The following ADAMTSL1 variants were observed in gnomAD, a reference collection of about 807,000 sequenced individuals.
The protein encoded by ADAMTSL1 is ADAMTS-like protein 1.
Under a neutral mutation model 201.8 loss-of-function variants are expected in ADAMTSL1, and 126 were observed. That is an observed-to-expected ratio of 0.62 (90% CI 0.54 to 0.72). The LOEUF (loss-of-function observed/expected upper bound fraction) is 0.72. Among genes scored for constraint, ADAMTSL1 ranks in the 30% least tolerant of loss-of-function variants. The probability of loss-of-function intolerance (pLI) is 0.00; values close to 1 mark genes in which losing one functional copy is unlikely to be tolerated. For missense variants in ADAMTSL1, 2,679 were observed against 2,277.8 expected, an observed-to-expected ratio of 1.18 and a Z score of -3.59; for synonymous variants, 1,121 against 903.4, an observed-to-expected ratio of 1.24 and a Z score of -4.32.
intron 1 of ADAMTSL1, among the ~76,000 whole-genome samples, chr9:17,983,210 A>G (rs760255812): frequency 6.6e-6 from 1 of 151,826 alleles, no homozygotes; most frequent in Non-Finnish European, 1.5e-5. Flanking sequence ...AGCTGGGACT[A>G]CAGGTGGGCA....
Position 18,766,400 on chromosome 9 carries a change from C to G in ADAMTSL1, c.2218-4202C>G, listed in dbSNP as rs371983348. Among the ~76,000 whole-genome samples the G allele has an allele frequency of 3.9e-5, 6 of 152,228 alleles. No homozygotes were observed. In the South Asian group the frequency reaches 6.2e-4, roughly 16 times the overall value. ...ACATTTATGCTTTGAAAACGTCACTCTTGCTATGGTGTGGAGAATAGAGTG... is the reference window on the plus strand; with the variant it reads ...ACATTTATGCTTTGAAAACGTCACTGTTGCTATGGTGTGGAGAATAGAGTG... On this transcript the variant is annotated intron_variant, in intron 16 of 28. Transcript: ENST00000380548.
intron 2 of ADAMTSL1, among the ~76,000 whole-genome samples, chr9:18,409,587 T>C (rs1291847280): frequency 6.6e-6 from 1 of 151,326 alleles, no homozygotes; most frequent in Admixed American, 6.6e-5. Flanking sequence ...TTAAAATTTT[T>C]GATTATCACT....
intron 13 of ADAMTSL1, among the ~76,000 whole-genome samples, chr9:18,694,672 T>C (rs553893843): frequency 3.3e-5 from 5 of 152,256 alleles, no homozygotes; most frequent in Admixed American, 3.3e-4. Flanking sequence ...TCCACCCCTA[T>C]GAAGTTGAGT....
In ADAMTSL1 at chr9:18,908,594, C is replaced by A; in HGVS notation, c.*46C>A. On this transcript the variant is annotated 3_prime_UTR_variant, in exon 29 of 29. Coordinates refer to ENST00000380548, the MANE Select transcript of ADAMTSL1 (RefSeq NM_001040272.6). Reference sequence around the variant, plus strand: ...CTCTACCCTGGCCACACGAAGGACTCACGCAACCACCTCGGACAGAACCTA... The same window carrying A: ...CTCTACCCTGGCCACACGAAGGACTAACGCAACCACCTCGGACAGAACCTA... 2 of 1,432,072 alleles carry A rather than the reference C, an allele frequency of 1.4e-6. No individual in the cohort carries two copies. The highest frequency in any genetic ancestry group is 1.3e-5 in the South Asian group (1 of 79,490). 88.7% of individuals were successfully genotyped at this position (1,432,072 alleles called of 1,614,324 possible).
At chr9:18,866,613 T>G (rs1414903253) in intron 23 of ADAMTSL1, among the ~76,000 whole-genome samples, 2 of 152,184 alleles carry the variant, frequency 1.3e-5, no homozygotes, top group Admixed American at 1.3e-4. Context: ...TTCCCTGAGG[T>G]CACTGTCCTG....
At chr9:18,885,731 A>G (rs1202620764) in intron 23 of ADAMTSL1, among the ~76,000 whole-genome samples, 2 of 152,094 alleles carry the variant, frequency 1.3e-5, no homozygotes, top group East Asian at 3.9e-4. Flanking sequence ...TCTCACTACT[A>G]CCTCAGGAAA....
intron 1 of ADAMTSL1, among the ~76,000 whole-genome samples, chr9:18,153,294 C>A (rs561959662): frequency 6.6e-6 from 1 of 152,020 alleles, no homozygotes; most frequent in Non-Finnish European, 1.5e-5. Flanking sequence ...TACTCTGACC[C>A]TTATTAGATA....
chr9:18,744,194 C>G (rs975453761), intron 15 of ADAMTSL1, among the ~76,000 whole-genome samples: 1 of 152,260 alleles, frequency 6.6e-6, no homozygotes, highest in South Asian at 2.1e-4. Context: ...TTTCTGAACT[C>G]TTGCAGTCCT....
intron 2 of ADAMTSL1, among the ~76,000 whole-genome samples, chr9:18,444,237 T>G (rs1030827785): frequency 6.6e-6 from 1 of 152,224 alleles, no homozygotes; most frequent in Non-Finnish European, 1.5e-5. Context: ...ATTGAGAAAC[T>G]ACTAAGGGTG....
chr9:18,186,324 T>C (rs1022625009), intron 2 of ADAMTSL1, among the ~76,000 whole-genome samples: 2 of 152,186 alleles, frequency 1.3e-5, no homozygotes, highest in African/African-American at 4.8e-5. Context: ...AGCATGTTTC[T>C]ATAACCTTCC....
upstream of ADAMTSL1, among the ~76,000 whole-genome samples, chr9:18,472,457 T>C (rs1344490040): frequency 6.6e-6 from 1 of 152,222 alleles, no homozygotes; most frequent in African/African-American, 2.4e-5. Context: ...TAGGTCCACA[T>C]ACTTAATATT....
chr9:18,749,846 G>A (rs1184793641), intron 15 of ADAMTSL1, among the ~76,000 whole-genome samples: 2 of 152,232 alleles, frequency 1.3e-5, no homozygotes, highest in Non-Finnish European at 2.9e-5. Flanking sequence ...ACTTTTATCA[G>A]GGCAGGCAGA....
At chr9:18,174,613 T>A (rs1380302221) in intron 2 of ADAMTSL1, among the ~76,000 whole-genome samples, 1 of 152,196 alleles carries the variant, frequency 6.6e-6, no homozygotes, top group African/African-American at 2.4e-5. Flanking sequence ...CACATGACTT[T>A]TTTTTTAGTT....
chr9:18,173,217 A>G (rs1324720325), intron 2 of ADAMTSL1, among the ~76,000 whole-genome samples: 1 of 152,204 alleles, frequency 6.6e-6, no homozygotes, highest in Non-Finnish European at 1.5e-5. Context: ...AACAAAATAA[A>G]TGGTAACTGT....
chr9:18,234,837 C>A (rs955484606), intron 2 of ADAMTSL1, among the ~76,000 whole-genome samples: 1 of 152,168 alleles, frequency 6.6e-6, no homozygotes, highest in African/African-American at 2.4e-5. Flanking sequence ...GTATCCAATA[C>A]CTTGCTGCAA....
In ADAMTSL1 at chr9:18,316,323, A is replaced by G. The variant is rs145167014; in HGVS notation, c.207+152342A>G. Reference sequence around the variant, plus strand: ...GAGGGCAACTGGTCTGACCAAAATTATTAGGTGGGAATTTCCTCTTCCTAA... The same window carrying G: ...GAGGGCAACTGGTCTGACCAAAATTGTTAGGTGGGAATTTCCTCTTCCTAA... On this transcript the variant is annotated intron_variant, in intron 2 of 29. Transcript: ENST00000680146. Among the ~76,000 whole-genome samples the G allele has an allele frequency of 5.5e-3, 835 of 152,134 alleles. 8 individuals carry two copies. Among genetic ancestry groups the G allele is most frequent in the African/African-American group, 0.019 (806 of 41,514 alleles).
At chr9:18,034,631 T>A (rs992805749) in intron 1 of ADAMTSL1, among the ~76,000 whole-genome samples, 1 of 152,180 alleles carries the variant, frequency 6.6e-6, no homozygotes, top group African/African-American at 2.4e-5. Flanking sequence ...CAGTTTTCTC[T>A]CCTTCTCTGT....
chr9:18,201,068 C>A (rs1046844727), intron 2 of ADAMTSL1, among the ~76,000 whole-genome samples: 1 of 151,838 alleles, frequency 6.6e-6, no homozygotes, highest in Admixed American at 6.6e-5. Context: ...TGATTGGGTC[C>A]CTTTGAAAAT....
At chr9:18,599,628 T>C (rs886277446) in intron 4 of ADAMTSL1, among the ~76,000 whole-genome samples, 2 of 152,140 alleles carry the variant, frequency 1.3e-5, no homozygotes, top group South Asian at 4.1e-4. Context: ...AGTATCATTT[T>C]TTAGTTTTCT....
Sources: gnomAD v4.1 joint callset for allele counts (sites outside exome capture counted in the v4.1 genomes callset) on GRCh38, gnomAD v4.1.1 for gene constraint, MANE v1.5 for transcripts, NCBI Gene and HGNC (gene_info 2026-07-23, HGNC 2026-07-21) for gene names.